The following FCRL5 variants were observed in gnomAD, a reference collection of about 807,000 sequenced individuals.
The protein encoded by FCRL5 is Fc receptor like 5, also known as Fc receptor-like protein 5.
In FCRL5, 79 loss-of-function variants were observed where a neutral mutation model predicts 92.1. That is an observed-to-expected ratio of 0.86 (90% confidence interval 0.72 to 1.03). The LOEUF (loss-of-function observed/expected upper bound fraction) is 1.03. FCRL5 is among the 50% of genes least tolerant of loss of function. The probability of loss-of-function intolerance (pLI) is 0.00; values close to 1 mark genes in which losing one functional copy is unlikely to be tolerated. For missense variants in FCRL5, 1,160 were observed against 1,181.1 expected (o/e 0.98, Z 0.26); for synonymous variants, 466 against 469.3 (o/e 0.99, Z 0.09).
At chr1:157,546,450 A>AAAACCAAACC (rs60618941) in intron 3 of FCRL5, among the ~76,000 whole-genome samples, 14,559 of 145,024 alleles carry the variant, frequency 0.1, 904 homozygotes, top group Non-Finnish European at 0.13. Context: ...TCCATCTCAA[A>AAAACCAAACC]AAACCAAACC....
chr1:157,528,502 G>A (rs2101612261), intron 8 of FCRL5: 1 of 152,200 alleles, frequency 6.6e-6, no homozygotes, highest in South Asian at 2.1e-4. Flanking sequence ...AGCCTACATA[G>A]CCAAAGCAAG....
At chr1:157,542,793 C>A in intron 6 of FCRL5, 66 bp downstream of exon 6, 1 of 1,553,158 alleles carries the variant, frequency 6.4e-7, no homozygotes, top group Non-Finnish European at 8.7e-7. Flanking sequence ...ATGCTGACTT[C>A]CGAAGGGCAG....
At chr1:157,532,470 A>T (rs1359205448) in intron 8 of FCRL5, 1 of 152,192 alleles carries the variant, frequency 6.6e-6, no homozygotes, top group Non-Finnish European at 1.5e-5. Flanking sequence ...CTCACAATTT[A>T]CTCTGAAATA....
Position 157,515,600 on chromosome 1 carries a change from C to A in FCRL5, c.*75G>T, listed in dbSNP as rs756321832. 2.9e-5 allele frequency: 46 copies of A among 1,613,510 alleles called. No homozygotes were observed. The highest frequency in any genetic ancestry group is 3.6e-5 in the Non-Finnish European group (43 of 1,179,990). ...GTCTGGGGCAGCCTAAATCTTCCCA[C>A]TTCAATGCTGCTTCTCCCCCAAGGG... On this transcript the variant is annotated 3_prime_UTR_variant, in exon 17 of 17. Transcript: ENST00000361835.
chr1:157,537,618 C>G (rs952429351), intron 7 of FCRL5, among the ~76,000 whole-genome samples: 43 of 152,150 alleles, frequency 2.8e-4, no homozygotes, highest in African/African-American at 1.0e-3. Context: ...TATTAGTACA[C>G]TCCCTCCACT....
At chr1:157,544,165 T>G (rs1467944660) in intron 5 of FCRL5, 97 bp downstream of exon 5, 8 of 1,333,126 alleles carry the variant, frequency 6.0e-6, no homozygotes, top group Non-Finnish European at 7.4e-6. Context: ...CAGGTACGAG[T>G]TTTTTCTACA....
rs1490998358 is a variant in FCRL5 at position 157,515,586 on chromosome 1, C to T, written c.*89G>A. ...GGCCAGTAGATATGGTCTGGGGCAGCCTAAATCTTCCCACTTCAATGCTGC... is the reference window on the plus strand; with the variant it reads ...GGCCAGTAGATATGGTCTGGGGCAGTCTAAATCTTCCCACTTCAATGCTGC... On this transcript the variant is annotated 3_prime_UTR_variant, in exon 17 of 17. Coordinates refer to ENST00000361835, the MANE Select transcript of FCRL5 (RefSeq NM_031281.3). The T allele has an allele frequency of 6.2e-7, 1 of 1,612,838 alleles. No individual in the cohort carries two copies. Among genetic ancestry groups the T allele is most frequent in the East Asian group, 2.2e-5 (1 of 44,898 alleles).
At chr1:157,536,084 G>A (rs919574608) in intron 7 of FCRL5, among the ~76,000 whole-genome samples, 2 of 151,822 alleles carry the variant, frequency 1.3e-5, no homozygotes, top group Admixed American at 6.6e-5. Flanking sequence ...TGGCGTTACA[G>A]GCGACCGCCA....
At chr1:157,529,908 T>G (rs184957159) in intron 8 of FCRL5, among the ~76,000 whole-genome samples, 7 of 152,298 alleles carry the variant, frequency 4.6e-5, no homozygotes, top group Non-Finnish European at 8.8e-5. Flanking sequence ...CGGAAATTAC[T>G]ACTAAAGAAG....
chr1:157,530,305 A>G (rs1202697890), intron 8 of FCRL5, among the ~76,000 whole-genome samples: 1 of 152,222 alleles, frequency 6.6e-6, no homozygotes, highest in Admixed American at 6.5e-5. Flanking sequence ...CATAATTTAC[A>G]CACAATAAAG....
At chr1:157,518,555 A>T (rs1650034327) in intron 14 of FCRL5, 58 bp from the exon 15 acceptor site, 2 of 1,517,538 alleles carry the variant, frequency 1.3e-6, no homozygotes, top group African/African-American at 2.8e-5. Context: ...TGTTAGAGAT[A>T]CTTCCTCCTC....
In FCRL5 at chr1:157,520,561, C is replaced by G. The variant is rs372963359; in HGVS notation, c.2516-14G>C. 16 of 1,575,884 alleles carry G rather than the reference C, an allele frequency of 1.0e-5. No individual in the cohort carries two copies. Among genetic ancestry groups the G allele is most frequent in the African/African-American group, 1.4e-5 (1 of 74,012 alleles). On this transcript the variant is annotated splice_polypyrimidine_tract_variant and intron_variant, in intron 11 of 16. Coordinates refer to ENST00000361835, the MANE Select transcript of FCRL5 (RefSeq NM_031281.3). ...TCGCGGTCAGCCCTGAGGGGGAGAC[C>G]CTGTGTGTGAGCCAGAGGAGAGGCT...
At position 157,524,269 on chromosome 1, in the gene FCRL5, G is replaced by T. The variant is rs751950498; in HGVS notation, c.2239+10C>A. Reference sequence around the variant, plus strand: ...CTCAGATGTGCTGCTGGTGGGCAGGGCCCACTCACCTGCAACTTTCAGTGT... The same window carrying T: ...CTCAGATGTGCTGCTGGTGGGCAGGTCCCACTCACCTGCAACTTTCAGTGT... On this transcript the variant is annotated intron_variant, in intron 10 of 16. Coordinates refer to ENST00000361835, the MANE Select transcript of FCRL5 (RefSeq NM_031281.3). The T allele has an allele frequency of 8.4e-5, 136 of 1,613,850 alleles. No homozygotes were observed. Among genetic ancestry groups the T allele is most frequent in the Non-Finnish European group, 1.1e-4 (131 of 1,179,844 alleles).
At chr1:157,540,554 A>G (rs1651213548) in intron 6 of FCRL5, among the ~76,000 whole-genome samples, 1 of 151,762 alleles carries the variant, frequency 6.6e-6, no homozygotes, top group Admixed American at 6.6e-5. Context: ...CAGACAATAG[A>G]AAAACAACCC....
chr1:157,520,514 G>A lies in FCRL5; in HGVS notation c.2549C>T (p.Thr850Ile). The change falls in exon 12 of 17, where the codon ACA becomes ATA. Residue 850 changes from threonine to isoleucine, a missense_variant. Physicochemically the swap from Thr to Ile is moderately conservative, Grantham distance 89 (BLOSUM62 -1). Coordinates refer to ENST00000361835, the MANE Select transcript of FCRL5 (RefSeq NM_031281.3). ...LTANRSGPFA[T>I]GVAGGLLSIA... ...GCTGAGCAGGCCCCCGGCGACTCCT[G>A]TGGCAAAAGGGCCACTTCTGTTCGC... 6.3e-7 allele frequency: 1 copy of A among 1,578,696 alleles called. No homozygotes were observed. Among genetic ancestry groups the A allele is most frequent in the South Asian group, 1.2e-5 (1 of 85,930 alleles).
chr1:157,543,626 T>G (rs149958651), intron 5 of FCRL5, among the ~76,000 whole-genome samples: 6 of 152,154 alleles, frequency 3.9e-5, no homozygotes, highest in South Asian at 2.1e-4. Flanking sequence ...TGCCTCCTTA[T>G]AAGTGAGCCC....
chr1:157,517,115 G>T (rs966186586), intron 15 of FCRL5, among the ~76,000 whole-genome samples: 1 of 152,208 alleles, frequency 6.6e-6, no homozygotes, highest in Non-Finnish European at 1.5e-5. Flanking sequence ...GAAGGACTTT[G>T]TTCCTCTTTC....
At chr1:157,547,884 TG>T (rs1651632424) in intron 2 of FCRL5, among the ~76,000 whole-genome samples, 1 of 152,228 alleles carries the variant, frequency 6.6e-6, no homozygotes, top group East Asian at 1.9e-4. Flanking sequence ...TAATTAAATG[TG>T]GGATGCAGAT....
At chr1:157,550,466 C>T (rs1394132502) in intron 1 of FCRL5, among the ~76,000 whole-genome samples, 3 of 152,120 alleles carry the variant, frequency 2.0e-5, no homozygotes, top group Admixed American at 6.5e-5. Context: ...TATCATCATG[C>T]CTAATTTTTA....
Sources: allele counts gnomAD v4.1 joint callset (sites outside exome capture counted in the v4.1 genomes callset), GRCh38; gene constraint gnomAD v4.1.1; transcripts MANE v1.5; gene names NCBI Gene and HGNC (gene_info 2026-07-23, HGNC 2026-07-21).